The following MYT1L variants were observed in gnomAD, a reference collection of about 807,000 sequenced individuals.
The protein encoded by MYT1L is myelin transcription factor 1 like.
In MYT1L, 12 loss-of-function variants were observed where a neutral mutation model predicts 126.7. The ratio of observed to expected loss-of-function variants is 0.09; its 90% CI spans 0.06 to 0.15. The LOEUF (loss-of-function observed/expected upper bound fraction) is 0.15, where lower values mean the gene tolerates loss of function less well. Ranked by LOEUF, MYT1L falls within the 10% of genes least tolerant of loss-of-function variation. The pLI is 1.00. For synonymous variants in MYT1L, 541 were observed against 604.2 expected, an observed-to-expected ratio of 0.90 and a Z score of 1.53; for missense variants, 979 against 1,585.2, an observed-to-expected ratio of 0.62 and a Z score of 6.49.
chr2:1,944,582 C>T (rs1246271666), intron 8 of MYT1L, among the ~76,000 whole-genome samples: 2 of 152,046 alleles, frequency 1.3e-5, no homozygotes, highest in Non-Finnish European at 2.9e-5. Flanking sequence ...CCTTGACTAG[C>T]TTGGCTTTGG....
intron 3 of MYT1L, among the ~76,000 whole-genome samples, chr2:2,097,361 C>T (rs1035305115): frequency 6.6e-5 from 10 of 152,200 alleles, no homozygotes; most frequent in Middle Eastern, 3.4e-3. Context: ...GTGTGTGCTC[C>T]GCAGGCTCTT....
intron 18 of MYT1L, among the ~76,000 whole-genome samples, chr2:1,861,590 T>C (rs2044613834): frequency 6.7e-6 from 1 of 149,708 alleles, no homozygotes; most frequent in Non-Finnish European, 1.5e-5. Context: ...AAAGACGCTG[T>C]GCTCTGCCTG....
At chr2:1,866,587 CAGAGAG>C (rs1479913668) in intron 18 of MYT1L, among the ~76,000 whole-genome samples, 1 of 57,444 alleles carries the variant, frequency 1.7e-5, no homozygotes, top group East Asian at 6.0e-4. Flanking sequence ...GAGAGGCAGG[CAGAGAG>C]AGAGGGAGAG....
At chr2:2,244,349 T>G (rs536732132) in intron 2 of MYT1L, among the ~76,000 whole-genome samples, 2 of 152,304 alleles carry the variant, frequency 1.3e-5, no homozygotes, top group East Asian at 3.9e-4. Flanking sequence ...GATGGACTTA[T>G]GAGAAGGGAA....
At chr2:2,112,203 C>T (rs2079552878) in intron 3 of MYT1L, among the ~76,000 whole-genome samples, 1 of 152,110 alleles carries the variant, frequency 6.6e-6, no homozygotes, top group Non-Finnish European at 1.5e-5. Flanking sequence ...ATTCTGCATC[C>T]CCTTTAAAAC....
chr2:1,968,007 AAG>A (rs1421360543), intron 8 of MYT1L, among the ~76,000 whole-genome samples: 1 of 152,132 alleles, frequency 6.6e-6, no homozygotes, highest in Non-Finnish European at 1.5e-5. Flanking sequence ...GGGGGCAGAA[AAG>A]AGAGGAGAGG....
intron 21 of MYT1L, among the ~76,000 whole-genome samples, chr2:1,830,703 AG>A (rs1365209507): frequency 1.3e-5 from 2 of 152,176 alleles, no homozygotes; most frequent in Non-Finnish European, 2.9e-5. Flanking sequence ...ATGCTCCCAG[AG>A]ACAGGAGGAA....
intron 3 of MYT1L, among the ~76,000 whole-genome samples, chr2:2,077,788 A>T (rs970705750): frequency 7.9e-5 from 12 of 152,242 alleles, no homozygotes; most frequent in Non-Finnish European, 1.5e-4. Context: ...ATTTATTGCT[A>T]GAAGACGTGT....
At chr2:1,870,222 C>G (rs1350192469) in intron 18 of MYT1L, among the ~76,000 whole-genome samples, 2 of 152,190 alleles carry the variant, frequency 1.3e-5, no homozygotes, top group Non-Finnish European at 2.9e-5. Flanking sequence ...AAAGTGCACC[C>G]AAGCTGCATG....
chr2:2,233,691 T>C (rs1572694489), intron 2 of MYT1L, among the ~76,000 whole-genome samples: 1 of 152,192 alleles, frequency 6.6e-6, no homozygotes, highest in African/African-American at 2.4e-5. Flanking sequence ...GGCACCATTG[T>C]CAGACAGGAA....
chr2:1,795,891 C>T (rs1227632640), intron 23 of MYT1L, among the ~76,000 whole-genome samples: 2 of 152,326 alleles, frequency 1.3e-5, no homozygotes, highest in East Asian at 3.9e-4. Context: ...TTGTCCACAC[C>T]CTCTGTCTTT....
At chr2:2,204,737 T>C (rs926396167) in intron 2 of MYT1L, among the ~76,000 whole-genome samples, 2 of 151,724 alleles carry the variant, frequency 1.3e-5, no homozygotes, top group African/African-American at 4.9e-5. Context: ...AGAAATACCA[T>C]TTGACCCAGC....
intron 13 of MYT1L, among the ~76,000 whole-genome samples, chr2:1,907,944 G>A (rs1426471524): frequency 2.0e-5 from 3 of 152,228 alleles, no homozygotes; most frequent in Non-Finnish European, 4.4e-5. Flanking sequence ...AGCACCCAGC[G>A]CCTCCCTGAA....
At chr2:2,162,896 T>C (rs2088258080) in intron 3 of MYT1L, among the ~76,000 whole-genome samples, 1 of 152,210 alleles carries the variant, frequency 6.6e-6, no homozygotes, top group Admixed American at 6.5e-5. Flanking sequence ...GTGCTCGCAG[T>C]AACTTGACTT....
intron 3 of MYT1L, among the ~76,000 whole-genome samples, chr2:2,060,918 T>G (rs2070374398): frequency 6.6e-6 from 1 of 151,712 alleles, no homozygotes; most frequent in East Asian, 1.9e-4. Context: ...GAAGACAACA[T>G]TCCAGGCTGA....
chr2:2,278,829 G>A (rs2095406324), intron 2 of MYT1L, among the ~76,000 whole-genome samples: 1 of 152,178 alleles, frequency 6.6e-6, no homozygotes, highest in African/African-American at 2.4e-5. Flanking sequence ...GAACTATGAA[G>A]GGATAAAGTG....
chr2:2,072,694 AC>A (rs145720153), intron 3 of MYT1L, among the ~76,000 whole-genome samples: 6,455 of 152,168 alleles, frequency 0.042, 207 homozygotes, highest in Non-Finnish European at 0.065. Flanking sequence ...GATCATGGGG[AC>A]AGTTTCCCCA....
chr2:2,315,890 C>T (rs114619810), intron 1 of MYT1L, among the ~76,000 whole-genome samples: 611 of 152,264 alleles, frequency 4.0e-3, no homozygotes, highest in Non-Finnish European at 5.8e-3. Flanking sequence ...CTTTCCAGCC[C>T]CATTCATTCT....
At chr2:2,063,290 TTTC>T (rs1428157120) in intron 3 of MYT1L, among the ~76,000 whole-genome samples, 14 of 152,214 alleles carry the variant, frequency 9.2e-5, no homozygotes, top group African/African-American at 2.9e-4. Flanking sequence ...CAGTCTTTAT[TTTC>T]TTCTTTTTTG....
Sources: gnomAD v4.1 joint callset for allele counts (sites outside exome capture counted in the v4.1 genomes callset) on GRCh38, gnomAD v4.1.1 for gene constraint, MANE v1.5 for transcripts, NCBI Gene and HGNC (gene_info 2026-07-23, HGNC 2026-07-21) for gene names.